The following PCNX1 variants were observed in gnomAD, a reference collection of about 807,000 sequenced individuals.
PCNX1 encodes pecanex-like protein 1.
In PCNX1, 78 loss-of-function variants were observed where a neutral mutation model predicts 242.2. The ratio of observed to expected loss-of-function variants is 0.32; its 90% confidence interval spans 0.27 to 0.39. PCNX1 has a LOEUF of 0.39. Among genes scored for constraint, PCNX1 ranks in the 10% least tolerant of loss-of-function variants. The pLI is 1.00. For missense variants in PCNX1, 2,581 were observed against 2,856.5 expected (o/e 0.90, Z 2.20); for synonymous variants, 1,024 against 1,032.9 (o/e 0.99, Z 0.17).
chr14:70,909,594 CTTTT>C (rs1355035137), intron 1 of PCNX1, among the ~76,000 whole-genome samples: 1 of 152,080 alleles, frequency 6.6e-6, no homozygotes, highest in Non-Finnish European at 1.5e-5. Context: ...TGTAAGATTT[CTTTT>C]TTAACACTTG....
At position 70,977,765 on chromosome 14, in the gene PCNX1, G is replaced by A; in HGVS notation, c.1428G>A (p.Met476Ile). The A allele has an allele frequency of 6.2e-7, 1 of 1,614,096 alleles. No individual in the cohort carries two copies. The highest frequency in any genetic ancestry group is 8.5e-7 in the Non-Finnish European group (1 of 1,180,016). The change falls in exon 6 of 36, where the codon ATG becomes ATA. Residue 476 changes from methionine to isoleucine, a missense_variant. Physicochemically the swap from Met to Ile is conservative, Grantham distance 10. Transcript: ENST00000304743. ...AGGACCCCACCCCCTCTGATGAGAT[G>A]CACAACCAGAGAGGTCTCAGCACCT... ...EAKDPTPSDE[M>I]HNQRGLSTSA...
At chr14:71,017,409 C>G (rs2877708) in intron 11 of PCNX1, among the ~76,000 whole-genome samples, 76,860 of 151,834 alleles carry the variant, frequency 0.51, 19,970 homozygotes, top group East Asian at 0.73. Flanking sequence ...TGAGGTGAGA[C>G]GATTGTTTGA....
chr14:70,950,665 T>A (rs1039078531), intron 2 of PCNX1, among the ~76,000 whole-genome samples: 14 of 152,120 alleles, frequency 9.2e-5, no homozygotes, highest in African/African-American at 3.4e-4. Context: ...AACTGTGATA[T>A]CTCATTGTTT....
At chr14:70,910,350 T>C (rs1190955150) in intron 1 of PCNX1, among the ~76,000 whole-genome samples, 1 of 151,192 alleles carries the variant, frequency 6.6e-6, no homozygotes, top group East Asian at 1.9e-4. Context: ...TTCTTTATTC[T>C]CCACACAGAC....
chr14:71,092,390 A>G (rs985284021), intron 30 of PCNX1, among the ~76,000 whole-genome samples: 1 of 152,234 alleles, frequency 6.6e-6, no homozygotes, highest in Non-Finnish European at 1.5e-5. Flanking sequence ...GGCAGCTTAA[A>G]GCATAAGGAA....
At chr14:71,019,552 C>G (rs2060042940) in intron 12 of PCNX1, among the ~76,000 whole-genome samples, 1 of 152,078 alleles carries the variant, frequency 6.6e-6, no homozygotes. Context: ...CAGGCGCATG[C>G]CACCATGGCT....
At chr14:70,928,167 A>G (rs1474343248) in intron 1 of PCNX1, among the ~76,000 whole-genome samples, 2 of 152,120 alleles carry the variant, frequency 1.3e-5, no homozygotes, top group Non-Finnish European at 2.9e-5. Context: ...ATATAGTTAT[A>G]CTTTTATATA....
chr14:71,010,568 A>G (rs887338931), intron 9 of PCNX1, among the ~76,000 whole-genome samples: 6 of 152,154 alleles, frequency 3.9e-5, no homozygotes, highest in African/African-American at 7.2e-5. Flanking sequence ...CAAATAAATT[A>G]GAAATCTTGA....
At position 71,033,483 on chromosome 14, in the gene PCNX1, T is replaced by C. The variant is rs1356641204; in HGVS notation, c.3613T>C (p.Leu1205=). 1.2e-6 allele frequency: 2 copies of C among 1,610,682 alleles called. No homozygotes were observed. Among genetic ancestry groups the C allele is most frequent in the East Asian group, 4.5e-5 (2 of 44,792 alleles). The stretch of plus-strand genomic sequence containing the variant: ...ACTTTTCTCCATTTTTTGTGGTTTA[T>C]TAGTGGCAGTGTCTTACCATCTCAG... ...PVLFSIFCGL[L]VAVSYHLSRQ... is the part of the protein sequence containing the mutation. Residue 1205 remains leucine (L), a synonymous_variant, in exon 17 of 36, where the codon TTA becomes CTA. Transcript: ENST00000304743.
At chr14:71,099,372 ATGGTCTC>A (rs1474600930) in intron 30 of PCNX1, among the ~76,000 whole-genome samples, 3 of 151,984 alleles carry the variant, frequency 2.0e-5, no homozygotes, top group African/African-American at 7.3e-5. Flanking sequence ...GTTAGCCAGG[ATGGTCTC>A]GATCTCCTGA....
intron 1 of PCNX1, among the ~76,000 whole-genome samples, chr14:70,933,425 T>A (rs1286653633): frequency 1.3e-5 from 2 of 152,242 alleles, no homozygotes. Context: ...ACATTTTTAA[T>A]GCTTGAAAAG....
intron 1 of PCNX1, among the ~76,000 whole-genome samples, chr14:70,917,288 GAGA>G (rs2056188022): frequency 6.6e-6 from 1 of 152,292 alleles, no homozygotes; most frequent in Admixed American, 6.5e-5. Context: ...CTAGAATGGT[GAGA>G]CCTTTCCAGA....
At chr14:70,994,455 C>T (rs982587503) in intron 7 of PCNX1, among the ~76,000 whole-genome samples, 1 of 118,622 alleles carries the variant, frequency 8.4e-6, no homozygotes, top group South Asian at 3.0e-4. Flanking sequence ...TTCAACATAG[C>T]CTTTTATTTC....
rs748804842 is a variant in PCNX1, at chr14:71,036,170, T to A, written c.3867+13T>A. The A allele has an allele frequency of 2.3e-5, 34 of 1,499,326 alleles. 1 individual carries two copies. The highest frequency in any genetic ancestry group is 2.8e-5 in the African/African-American group (2 of 72,666). The allele number at this position is 1,499,326 out of a possible 1,614,324, so 92.9% of individuals were successfully genotyped here. Reference sequence around the variant, plus strand: ...CACAGTATTGCAGGTAAGGAATCATTTTCTCCTTTTATTTGTTTGTTTGTT... The same window carrying A: ...CACAGTATTGCAGGTAAGGAATCATATTCTCCTTTTATTTGTTTGTTTGTT... On this transcript the variant is annotated intron_variant, in intron 19 of 35. Transcript: ENST00000304743.
chr14:71,014,546 A>T (rs1319117215), intron 11 of PCNX1, among the ~76,000 whole-genome samples: 4 of 152,234 alleles, frequency 2.6e-5, no homozygotes, highest in African/African-American at 9.6e-5. Flanking sequence ...AAAAGTCCCA[A>T]ATCAAACTTA....
intron 33 of PCNX1, among the ~76,000 whole-genome samples, chr14:71,105,892 ATTAT>A (rs2062602407): frequency 6.8e-6 from 1 of 148,046 alleles, no homozygotes; most frequent in Admixed American, 6.8e-5. Flanking sequence ...ATTTGTTCAT[ATTAT>A]TTTATATATA....
intron 1 of PCNX1, among the ~76,000 whole-genome samples, chr14:70,917,914 A>T (rs986366244): frequency 1.3e-5 from 2 of 152,244 alleles, no homozygotes; most frequent in Admixed American, 6.5e-5. Flanking sequence ...CTTCTGGATA[A>T]CTTGCTGCAG....
At chr14:70,929,310 T>C (rs2056704406) in intron 1 of PCNX1, among the ~76,000 whole-genome samples, 9 of 152,098 alleles carry the variant, frequency 5.9e-5, no homozygotes, top group Admixed American at 5.9e-4. Flanking sequence ...CATATGACTA[T>C]ATATATTTGA....
chr14:70,994,396 G>GATATATGTGTATATATATATAT (rs1371763584), intron 7 of PCNX1, among the ~76,000 whole-genome samples: 1 of 96,968 alleles, frequency 1.0e-5, no homozygotes, highest in African/African-American at 3.8e-5. Context: ...ACAGGCTTAA[G>GATATATGTGTATATATATATAT]ATATATATAT....
Sources: allele counts gnomAD v4.1 joint callset (sites outside exome capture counted in the v4.1 genomes callset), GRCh38; gene constraint gnomAD v4.1.1; transcripts MANE v1.5; gene names NCBI Gene and HGNC (gene_info 2026-07-23, HGNC 2026-07-21).